Variants in KCNK3 observed in about 807,000 individuals in gnomAD.
The protein encoded by KCNK3 is potassium channel subfamily K member 3.
In KCNK3, 9 loss-of-function variants were observed where a neutral mutation model predicts 27.3. That is an observed-to-expected ratio of 0.33 (90% CI 0.20 to 0.57). KCNK3 has a LOEUF of 0.57. KCNK3 is among the 20% of genes least tolerant of loss of function. KCNK3 has a pLI of 0.87. For missense variants in KCNK3, 391 were observed against 577.7 expected, an observed-to-expected ratio of 0.68 and a Z score of 3.31; for synonymous variants, 278 against 273.8, an observed-to-expected ratio of 1.02 and a Z score of -0.15.
In KCNK3 at chr2:26,728,220, G is replaced by C. The variant is rs1303676904; in HGVS notation, c.837G>C (p.Ala279=). Residue 279 remains alanine, a synonymous_variant, in exon 2 of 2, where the codon GCG becomes GCC. Coordinates refer to ENST00000302909, the MANE Select transcript of KCNK3 (RefSeq NM_002246.3). ...GCGGCGGCGGAGGGGGTGGCAGCGC[G>C]CACACTACGGACACCGCCTCATCCA... is the stretch of plus-strand genomic sequence containing the variant. The part of the protein sequence containing the change: ...QAGGGGGGGS[A]HTTDTASSTA... 6.4e-7 allele frequency: 1 copy of C among 1,563,768 alleles called. No homozygotes were observed.
At chr2:26,702,080 A>G (rs566902881) in intron 1 of KCNK3, among the ~76,000 whole-genome samples, 1 of 152,270 alleles carries the variant, frequency 6.6e-6, no homozygotes, top group South Asian at 2.1e-4. Flanking sequence ...AGGACCTATT[A>G]GTTATTTTTC....
chr2:26,693,020 C>A lies in KCNK3; in HGVS notation c.145C>A (p.Arg49=), dbSNP rs1426061858. 2 of 1,584,218 alleles carry A rather than the reference C, an allele frequency of 1.3e-6. No individual in the cohort carries two copies. Among genetic ancestry groups the A allele is most frequent in the Non-Finnish European group, 1.7e-6 (2 of 1,170,868 alleles). ...GCTGGAGCTGCGGCAGCAGGAGCTG[C>A]GGGCGCGCTACAACCTCAGCCAGGG... is the stretch of plus-strand genomic sequence containing the variant. ...QRLELRQQEL[R]ARYNLSQGGY... is the part of the protein sequence containing the mutation. The change falls in exon 1 of 2, where the codon CGG becomes AGG. Residue 49 remains arginine, a synonymous_variant. Transcript: ENST00000302909. This position sits in a 1 kb window ranked among gnomAD's most constrained non-coding sequence, Gnocchi z 5.5.
chr2:26,728,751 A>C lies in KCNK3; in HGVS notation c.*183A>C. Reference sequence around the variant, plus strand: ...CCAGCCGGCAGGAGGCCGGGCTCTGAGGACCCCTGGGGCCCCCATCGGAGC... The same window carrying C: ...CCAGCCGGCAGGAGGCCGGGCTCTGCGGACCCCTGGGGCCCCCATCGGAGC... On this transcript the variant is annotated 3_prime_UTR_variant, in exon 2 of 2. Transcript: ENST00000302909. 7.9e-6 allele frequency: 4 copies of C among 507,698 alleles called. No homozygotes were observed. The highest frequency in any genetic ancestry group is 9.4e-6 in the Non-Finnish European group (3 of 319,696). 31.4% of individuals were successfully genotyped at this position (507,698 alleles called of 1,614,324 possible). A position where few individuals can be genotyped will look rare whatever the true frequency, so the allele number is the denominator to read the frequency against.
At chr2:26,697,404 C>G (rs976166681) in intron 1 of KCNK3, among the ~76,000 whole-genome samples, 16 of 152,302 alleles carry the variant, frequency 1.1e-4, no homozygotes, top group African/African-American at 3.6e-4. Flanking sequence ...ACTCAGGAGG[C>G]TGAGGCATGA....
chr2:26,719,992 G>A (rs1323891959), intron 1 of KCNK3, among the ~76,000 whole-genome samples: 5 of 152,164 alleles, frequency 3.3e-5, no homozygotes, highest in East Asian at 3.8e-4. Context: ...GAAGGGCACC[G>A]TGGCTCATGC....
chr2:26,707,105 T>C (rs1469116508), intron 1 of KCNK3, among the ~76,000 whole-genome samples: 1 of 152,188 alleles, frequency 6.6e-6, no homozygotes, highest in Non-Finnish European at 1.5e-5. Flanking sequence ...TAGAGTTCTG[T>C]CAAGGACCTC....
At chr2:26,715,709 G>A (rs920587628) in intron 1 of KCNK3, among the ~76,000 whole-genome samples, 2 of 152,206 alleles carry the variant, frequency 1.3e-5, no homozygotes, top group Admixed American at 1.3e-4. Flanking sequence ...GGCCGGGTCG[G>A]GGATTTTCCA....
At chr2:26,725,117 G>A (rs1200455055) in intron 1 of KCNK3, among the ~76,000 whole-genome samples, 1 of 152,158 alleles carries the variant, frequency 6.6e-6, no homozygotes, top group Non-Finnish European at 1.5e-5. Context: ...CAGGACAAGG[G>A]AGCAGTGGTG....
chr2:26,726,939 G>C (rs1193683801), intron 1 of KCNK3, among the ~76,000 whole-genome samples: 5 of 152,228 alleles, frequency 3.3e-5, no homozygotes, highest in Non-Finnish European at 7.3e-5. Context: ...AAGGCCTCCA[G>C]TTGGAGGCTG....
intron 1 of KCNK3, among the ~76,000 whole-genome samples, chr2:26,710,802 G>A (rs957859992): frequency 2.0e-5 from 3 of 152,178 alleles, no homozygotes; most frequent in African/African-American, 7.2e-5. Flanking sequence ...GAATAGAGCA[G>A]ACCCAACACC....
chr2:26,707,343 G>A (rs1396547721), intron 1 of KCNK3, among the ~76,000 whole-genome samples: 1 of 152,216 alleles, frequency 6.6e-6, no homozygotes, highest in Non-Finnish European at 1.5e-5. Flanking sequence ...CCGACAGGGA[G>A]TGGCCAGGAG....
intron 1 of KCNK3, among the ~76,000 whole-genome samples, chr2:26,699,250 A>AAAGAAAGAAAGAAAGCAAGC (rs35378015): frequency 4.0e-4 from 57 of 142,870 alleles, no homozygotes; most frequent in East Asian, 1.2e-3. Flanking sequence ...AGAAAGAAAG[A>AAAGAAAGAAAGAAAGCAAGC]AAGCCAGCCA....
intron 1 of KCNK3, among the ~76,000 whole-genome samples, chr2:26,710,472 T>TCACA (rs1381881205): frequency 6.6e-6 from 1 of 152,080 alleles, no homozygotes; most frequent in Non-Finnish European, 1.5e-5. Flanking sequence ...CTGCCACCAC[T>TCACA]CACACACAGG....
Position 26,696,636 on chromosome 2 carries a change from C to G in KCNK3, c.283+3478C>G, listed in dbSNP as rs1284481502. ...AGGAAACCCTTCCTTTGCTGGTGCC[C>G]TAAGTTCACCCAACAGTAATAGAAA... On this transcript the variant is annotated intron_variant, in intron 1 of 1. Coordinates refer to ENST00000302909, the MANE Select transcript of KCNK3 (RefSeq NM_002246.3). 2.0e-5 allele frequency among the ~76,000 whole-genome samples: 3 copies of G among 152,176 alleles called. No individual in the cohort carries two copies. The East Asian group carries it at 5.8e-4, about 29-fold the overall frequency.
At position 26,692,772 on chromosome 2, in the gene KCNK3, A is replaced by T; in HGVS notation, c.-104A>T. The T allele has an allele frequency of 1.8e-6, 1 of 567,286 alleles. No homozygotes were observed. The highest frequency in any genetic ancestry group is 2.2e-6 in the Non-Finnish European group (1 of 450,706). 35.1% of individuals were successfully genotyped at this position (567,286 alleles called of 1,614,324 possible). On this transcript the variant is annotated 5_prime_UTR_variant, in exon 1 of 2. Coordinates refer to ENST00000302909, the MANE Select transcript of KCNK3 (RefSeq NM_002246.3). The surrounding 1 kb of genome is among the most constrained non-coding windows in gnomAD (Gnocchi z 5.6). ...CGGGTGCCCGGCGCGGAGAGCGGCGAGCGCAGCCATGCCCCAGGCCGCCTC... is the reference window on the plus strand; with the variant it reads ...CGGGTGCCCGGCGCGGAGAGCGGCGTGCGCAGCCATGCCCCAGGCCGCCTC...
chr2:26,702,952 C>T (rs1382648970), intron 1 of KCNK3, among the ~76,000 whole-genome samples: 1 of 152,022 alleles, frequency 6.6e-6, no homozygotes, highest in Non-Finnish European at 1.5e-5. Context: ...CCTGTTGCTA[C>T]TAAAAATACA....
intron 1 of KCNK3, among the ~76,000 whole-genome samples, chr2:26,695,751 T>C (rs1409544085): frequency 1.3e-5 from 2 of 152,180 alleles, no homozygotes; most frequent in Non-Finnish European, 2.9e-5. Flanking sequence ...CCAAAGTGCT[T>C]GCAGTCCTCA....
At chr2:26,697,384 A>G (rs927514180) in intron 1 of KCNK3, among the ~76,000 whole-genome samples, 2 of 152,176 alleles carry the variant, frequency 1.3e-5, no homozygotes, top group African/African-American at 4.8e-5. Context: ...TCATGCCTGT[A>G]GTCCCAGCTA....
At chr2:26,724,405 C>G (rs1239189260) in intron 1 of KCNK3, 1 of 164,738 alleles carries the variant, frequency 6.1e-6, no homozygotes, top group South Asian at 2.0e-4. Context: ...TTGGCTCCCA[C>G]GTACCGGAAT....
Sources: allele counts gnomAD v4.1 joint callset (sites outside exome capture counted in the v4.1 genomes callset), GRCh38; gene constraint gnomAD v4.1.1; non-coding constraint Gnocchi (gnomAD v3.1); transcripts MANE v1.5; gene names NCBI Gene and HGNC (gene_info 2026-07-23, HGNC 2026-07-21).